FRMD6: variants seen among roughly 807,000 people sequenced by gnomAD.
FRMD6 encodes the protein FERM domain-containing protein 6.
A neutral mutation model predicts 73.2 loss-of-function variants in FRMD6; 37 were observed. That is an observed-to-expected ratio of 0.51 (90% CI 0.39 to 0.66). FRMD6 has a LOEUF of 0.66. Among genes scored for constraint, FRMD6 ranks in the 30% least tolerant of loss-of-function variants. FRMD6 has a pLI of 0.00. For missense variants in FRMD6, 714 were observed against 780.5 expected (o/e 0.91, Z 1.02); for synonymous variants, 273 against 282.2 (o/e 0.97, Z 0.33).
intron 2 of FRMD6, among the ~76,000 whole-genome samples, chr14:51,646,318 C>CAAAAAAA (rs34495089): frequency 1.4e-5 from 1 of 69,264 alleles, no homozygotes; most frequent in African/African-American, 6.0e-5. Flanking sequence ...ACTCCATATC[C>CAAAAAAA]AAAAAAAAAA....
intron 6 of FRMD6, among the ~76,000 whole-genome samples, chr14:51,706,775 A>C (rs534612693): frequency 6.6e-6 from 1 of 152,232 alleles, no homozygotes; most frequent in East Asian, 1.9e-4. Flanking sequence ...TCTTGCTCCC[A>C]GTAAACTGTT....
At chr14:51,654,102 G>C (rs74052652) in intron 1 of FRMD6, among the ~76,000 whole-genome samples, 1 of 152,054 alleles carries the variant, frequency 6.6e-6, no homozygotes, top group Admixed American at 6.5e-5. Flanking sequence ...CTTTTTGGGG[G>C]CAACAAGGGT....
chr14:51,646,318 CAAAA>C (rs34495089), intron 2 of FRMD6, among the ~76,000 whole-genome samples: 31 of 69,264 alleles, frequency 4.5e-4, no homozygotes, highest in African/African-American at 1.4e-3. Flanking sequence ...ACTCCATATC[CAAAA>C]AAAAAAAAAA....
the FRMD6 span, among the ~76,000 whole-genome samples, chr14:51,459,291 G>GC: frequency 6.6e-6 from 1 of 152,072 alleles, no homozygotes; most frequent in Non-Finnish European, 1.5e-5. Context: ...ATTCCTGTAG[G>GC]CCCTGGAATC....
intron 1 of FRMD6, among the ~76,000 whole-genome samples, chr14:51,517,390 C>A (rs1033196692): frequency 6.6e-6 from 1 of 152,110 alleles, no homozygotes; most frequent in African/African-American, 2.4e-5. Context: ...AAGAATGCAC[C>A]ACTTGTCACA....
At chr14:51,438,015 A>G in the FRMD6 span, among the ~76,000 whole-genome samples, 3 of 152,196 alleles carry the variant, frequency 2.0e-5, no homozygotes, top group African/African-American at 7.2e-5. Context: ...GAATATGCAC[A>G]GTTAGCATTT....
At chr14:51,475,924 C>T in the FRMD6 span, among the ~76,000 whole-genome samples, 4 of 152,102 alleles carry the variant, frequency 2.6e-5, no homozygotes, top group African/African-American at 4.8e-5. Flanking sequence ...TAAGCACGTG[C>T]TTACATGCTG....
chr14:51,596,510 T>C (rs1250068316), intron 2 of FRMD6, among the ~76,000 whole-genome samples: 1 of 152,212 alleles, frequency 6.6e-6, no homozygotes, highest in Admixed American at 6.5e-5. Context: ...GATACTTACA[T>C]GAAAATTAGA....
At chr14:51,520,782 G>T (rs1364457850) in intron 1 of FRMD6, among the ~76,000 whole-genome samples, 1 of 152,006 alleles carries the variant, frequency 6.6e-6, no homozygotes, top group Non-Finnish European at 1.5e-5. Context: ...GGTGGCACGT[G>T]TTTGTGGTCC....
chr14:51,667,839 A>G (rs560447025), intron 1 of FRMD6, among the ~76,000 whole-genome samples: 1 of 152,328 alleles, frequency 6.6e-6, no homozygotes, highest in South Asian at 2.1e-4. Flanking sequence ...TAAAACTCAA[A>G]TACTGATTTT....
chr14:51,718,500 A>C (rs1897356720), intron 10 of FRMD6, among the ~76,000 whole-genome samples: 2 of 152,256 alleles, frequency 1.3e-5, no homozygotes, highest in African/African-American at 2.4e-5. Flanking sequence ...CACTCATCCA[A>C]GGGCCACATG....
intron 1 of FRMD6, among the ~76,000 whole-genome samples, chr14:51,540,731 T>G (rs1886161091): frequency 6.6e-6 from 1 of 152,106 alleles, no homozygotes; most frequent in Admixed American, 6.6e-5. Context: ...AGTAGATAAT[T>G]TATTATAAAT....
intron 2 of FRMD6, among the ~76,000 whole-genome samples, chr14:51,693,389 C>T (rs988476876): frequency 6.6e-6 from 1 of 152,162 alleles, no homozygotes; most frequent in African/African-American, 2.4e-5. Flanking sequence ...ATGGTTAGGA[C>T]TATGATCATG....
chr14:51,589,165 T>G (rs1291063743), intron 2 of FRMD6, among the ~76,000 whole-genome samples: 1 of 152,182 alleles, frequency 6.6e-6, no homozygotes, highest in Non-Finnish European at 1.5e-5. Flanking sequence ...CTTTCATTCT[T>G]TTCCAAAAAG....
the FRMD6 span, among the ~76,000 whole-genome samples, chr14:51,468,804 C>G: frequency 6.6e-6 from 1 of 152,076 alleles, no homozygotes; most frequent in African/African-American, 2.4e-5. Flanking sequence ...CTTTCATTTC[C>G]TTCCTTCCTT....
chr14:51,447,249 G>A, the FRMD6 span, among the ~76,000 whole-genome samples: 1 of 152,120 alleles, frequency 6.6e-6, no homozygotes, highest in Non-Finnish European at 1.5e-5. Flanking sequence ...GTAAAATGGT[G>A]TTTGACCTTC....
Position 51,715,454 on chromosome 14 carries a change from C to T in FRMD6, c.979C>T (p.Leu327=), listed in dbSNP as rs1396385723. The change falls in exon 10 of 14, where the codon CTG becomes TTG. Residue 327 remains leucine, a synonymous_variant. Transcript: ENST00000344768. ...LSNSHRLYMN[L]QPVLRHIRKL... ...CAACAGCCACCGCCTCTATATGAAT[C>T]TGCAGCCTGTCCTGCGCCATATCCG... is the stretch of plus-strand genomic sequence containing the variant. The T allele has an allele frequency of 6.2e-7, 1 of 1,613,746 alleles. No homozygotes were observed. Among genetic ancestry groups the T allele is most frequent in the East Asian group, 2.2e-5 (1 of 44,868 alleles).
the FRMD6 span, among the ~76,000 whole-genome samples, chr14:51,404,048 C>A: frequency 1.3e-5 from 2 of 152,106 alleles, no homozygotes; most frequent in African/African-American, 4.8e-5. Flanking sequence ...GTGTTATGTA[C>A]CACATGTACA....
chr14:51,455,930 A>G, the FRMD6 span, among the ~76,000 whole-genome samples: 1 of 152,134 alleles, frequency 6.6e-6, no homozygotes, highest in African/African-American at 2.4e-5. Flanking sequence ...AAGATTAAGG[A>G]TTAAAATTTA....
Sources: allele counts gnomAD v4.1 joint callset (sites outside exome capture counted in the v4.1 genomes callset), GRCh38; gene constraint gnomAD v4.1.1; transcripts MANE v1.5; gene names NCBI Gene and HGNC (gene_info 2026-07-23, HGNC 2026-07-21).